MAPK10: variants seen among roughly 807,000 people sequenced by gnomAD.
MAPK10 encodes the protein JNK3 alpha protein kinase.
Under a neutral mutation model 59.3 loss-of-function variants are expected in MAPK10, and 25 were observed. The observed-to-expected ratio is 0.42, with a 90% CI of 0.31 to 0.59. The LOEUF (loss-of-function observed/expected upper bound fraction) is 0.59, where lower values mean the gene tolerates loss of function less well. Among genes scored for constraint, MAPK10 ranks in the 20% least tolerant of loss-of-function variants. The pLI, the probability that MAPK10 is intolerant of heterozygous loss-of-function variation, is 0.15. For synonymous variants in MAPK10, 190 were observed against 200.5 expected (o/e 0.95, Z 0.44); for missense variants, 351 against 568.9 (o/e 0.62, Z 3.90).
intron 2 of MAPK10, among the ~76,000 whole-genome samples, chr4:86,195,405 A>G (rs2081055658): frequency 6.6e-6 from 1 of 152,192 alleles, no homozygotes; most frequent in Non-Finnish European, 1.5e-5. Context: ...TACACAAAAC[A>G]TCTTTCAGAA....
chr4:86,371,003 T>A (rs1390875089), intron 1 of MAPK10: 1 of 152,138 alleles, frequency 6.6e-6, no homozygotes, highest in Non-Finnish European at 1.5e-5. Context: ...CTTTCCTAGT[T>A]AAAACAAGAA....
intron 10 of MAPK10, among the ~76,000 whole-genome samples, chr4:86,065,869 T>C (rs2046639833): frequency 6.6e-6 from 1 of 152,222 alleles, no homozygotes; most frequent in Non-Finnish European, 1.5e-5. Flanking sequence ...TGGATACATA[T>C]CAATTTTTAT....
At chr4:86,451,344 T>C (rs768867916) in intron 1 of MAPK10, among the ~76,000 whole-genome samples, 1 of 152,140 alleles carries the variant, frequency 6.6e-6, no homozygotes, top group Non-Finnish European at 1.5e-5. Context: ...GAGTAAAATA[T>C]ATATTCTGGT....
intron 3 of MAPK10, among the ~76,000 whole-genome samples, chr4:86,175,544 G>A (rs114560370): frequency 0.029 from 4,401 of 151,972 alleles, 90 homozygotes; most frequent in South Asian, 0.041. Context: ...GTGAGTTCTC[G>A]TGAGATCTGG....
chr4:86,301,086 T>C (rs62305546), intron 2 of MAPK10, among the ~76,000 whole-genome samples: 45,215 of 151,808 alleles, frequency 0.3, 7,303 homozygotes, highest in Non-Finnish European at 0.37. Context: ...CATTGTAGGA[T>C]GGTTCACAGT....
At chr4:86,020,163 A>C (rs1745660412) in intron 13 of MAPK10, 1 of 152,242 alleles carries the variant, frequency 6.6e-6, no homozygotes, top group Non-Finnish European at 1.5e-5. Flanking sequence ...CATTTCATGT[A>C]AATGGAAGCA....
Position 86,031,363 on chromosome 4 carries a change from C to T in MAPK10, c.1174+5G>A. ...AAAGTATACTTTTTTAAGTAGTAGA[C>T]TTACCTTTCCATTCTTCAATTGTGT... On this transcript the variant is annotated splice_donor_5th_base_variant and intron_variant, in intron 12 of 13. Transcript: ENST00000641462. 1 of 1,598,948 alleles carries T rather than the reference C, an allele frequency of 6.3e-7. No homozygotes were observed. The highest frequency in any genetic ancestry group is 8.6e-7 in the Non-Finnish European group (1 of 1,166,512).
Position 86,547,243 on chromosome 4 carries a change from G to A in MAPK10, c.-263+46667C>T, listed in dbSNP as rs544045469. ...CGGCACCTGAGGAGCCCTTCAGCCC[G>A]CCCTGCACTGTGGGATCCCCTTTCT... On this transcript the variant is annotated intron_variant, in intron 1 of 4. Coordinates refer to the MAPK10 transcript ENST00000502302. Among the ~76,000 whole-genome samples, 7 of 152,306 alleles carry A rather than the reference G, an allele frequency of 4.6e-5. No homozygotes were observed. The South Asian group carries it at 6.2e-4, about 14-fold the overall frequency.
intron 2 of MAPK10, among the ~76,000 whole-genome samples, chr4:86,204,610 G>A (rs552690892): frequency 6.6e-6 from 1 of 151,904 alleles, no homozygotes; most frequent in Non-Finnish European, 1.5e-5. Flanking sequence ...AACAAAAGAG[G>A]AACCTCAGAA....
At chr4:86,178,884 C>T (rs1471344933) in intron 3 of MAPK10, among the ~76,000 whole-genome samples, 5 of 152,132 alleles carry the variant, frequency 3.3e-5, no homozygotes, top group African/African-American at 9.7e-5. Flanking sequence ...TTTCTACACA[C>T]GAACAACAAA....
At chr4:86,505,493 G>A (rs540511371) in intron 1 of MAPK10, among the ~76,000 whole-genome samples, 4 of 152,068 alleles carry the variant, frequency 2.6e-5, no homozygotes, top group Admixed American at 1.3e-4. Flanking sequence ...CTTATCAGGA[G>A]GCTGAGGTGG....
At chr4:86,170,122 A>C (rs1226196617) in intron 3 of MAPK10, among the ~76,000 whole-genome samples, 1 of 152,152 alleles carries the variant, frequency 6.6e-6, no homozygotes, top group African/African-American at 2.4e-5. Context: ...AAATGTAAAG[A>C]CCATCGAGAC....
chr4:86,372,577 A>AAG (rs1739065767), intron 1 of MAPK10, among the ~76,000 whole-genome samples: 1 of 121,598 alleles, frequency 8.2e-6, no homozygotes, highest in African/African-American at 3.0e-5. Context: ...AGAAAAGAAA[A>AAG]GAAAAGAAAA....
intron 1 of MAPK10, among the ~76,000 whole-genome samples, chr4:86,517,160 T>G (rs577674565): frequency 2.0e-5 from 3 of 152,202 alleles, no homozygotes. Context: ...TCTGCATCTA[T>G]TAAGATAATC....
intron 4 of MAPK10, among the ~76,000 whole-genome samples, chr4:86,153,201 AAAAT>A (rs1274283787): frequency 6.6e-6 from 1 of 152,230 alleles, no homozygotes; most frequent in East Asian, 1.9e-4. Flanking sequence ...TTGAAACTGA[AAAAT>A]AAATAATGTA....
chr4:86,061,661 A>G (rs1231444916), intron 11 of MAPK10, among the ~76,000 whole-genome samples: 2 of 152,060 alleles, frequency 1.3e-5, no homozygotes, highest in South Asian at 4.1e-4. Context: ...TACTCTTTTG[A>G]CTTTTCCTCT....
intron 2 of MAPK10, among the ~76,000 whole-genome samples, chr4:86,257,010 C>A (rs2093770330): frequency 1.3e-5 from 2 of 152,040 alleles, no homozygotes; most frequent in Admixed American, 1.3e-4. Flanking sequence ...TCGGCCTATA[C>A]TCCATTTTTA....
chr4:86,033,331 A>G (rs1371647482), intron 11 of MAPK10, among the ~76,000 whole-genome samples: 3 of 152,232 alleles, frequency 2.0e-5, no homozygotes, highest in African/African-American at 7.2e-5. Context: ...GGACCCCTGC[A>G]GGACACAGTG....
At position 86,075,224 on chromosome 4, in the gene MAPK10, A is replaced by G. The variant is rs892660912; in HGVS notation, c.803-7269T>C. The stretch of plus-strand genomic sequence containing the variant: ...TTCTGCATTCCTCACATAGTTCTCG[A>G]GCCTTGGTTTTCAGCTCCATCAGCT... On this transcript the variant is annotated intron_variant, in intron 9 of 13. Coordinates refer to ENST00000641462, the MANE Select transcript of MAPK10 (RefSeq NM_138982.4). 2.2e-3 allele frequency among the ~76,000 whole-genome samples: 331 copies of G among 151,974 alleles called. 2 individuals carry two copies. The highest frequency in any genetic ancestry group is 3.4e-3 in the Middle Eastern group (1 of 294).
Sources: gnomAD v4.1 joint callset for allele counts (sites outside exome capture counted in the v4.1 genomes callset) on GRCh38, gnomAD v4.1.1 for gene constraint, MANE v1.5 for transcripts, NCBI Gene and HGNC (gene_info 2026-07-23, HGNC 2026-07-21) for gene names.